CDHR2: variants seen among roughly 807,000 people sequenced by gnomAD.
CDHR2 encodes cadherin-related family member 2.
In CDHR2, 104 loss-of-function variants were observed where a neutral mutation model predicts 138.6. That is an observed-to-expected ratio of 0.75 (90% CI 0.64 to 0.88). The LOEUF is 0.88. CDHR2 is among the 40% of genes least tolerant of loss of function. The probability of loss-of-function intolerance (pLI) is 0.00; values close to 1 mark genes in which losing one functional copy is unlikely to be tolerated. For synonymous variants in CDHR2, 755 were observed against 742.8 expected (o/e 1.02, Z -0.27); for missense variants, 1,624 against 1,727.6 (o/e 0.94, Z 1.06).
At position 176,578,439 on chromosome 5, in the gene CDHR2, G is replaced by A; in HGVS notation, c.1649G>A (p.Ser550Asn). 6.2e-7 allele frequency: 1 copy of A among 1,613,926 alleles called. No individual in the cohort carries two copies. The highest frequency in any genetic ancestry group is 8.5e-7 in the Non-Finnish European group (1 of 1,179,868). Reference protein sequence around the residue: ...VRNGELLDRESQAVYYLTLQA... With the variant: ...VRNGELLDRENQAVYYLTLQA... Reference sequence around the variant, plus strand: ...AACGGTGAGCTGCTGGACCGGGAGAGCCAGGCCGTGTACTACCTGACGCTG... The same window carrying A: ...AACGGTGAGCTGCTGGACCGGGAGAACCAGGCCGTGTACTACCTGACGCTG... Residue 550 changes from serine to asparagine, a missense_variant, in exon 16 of 32, where the codon AGC becomes AAC. By Grantham distance (46) the Ser-to-Asn change is conservative. This residue lies in a region of CDHR2 where 1,061 missense variants were observed against 1,136.6 expected (regional missense o/e 0.93). Coordinates refer to ENST00000261944, the MANE Select transcript of CDHR2 (RefSeq NM_017675.6).
chr5:176,588,946 G>A, intron 21 of CDHR2, 85 bp from the exon 22 acceptor site: 1 of 1,455,072 alleles, frequency 6.9e-7, no homozygotes, highest in Non-Finnish European at 9.4e-7. Context: ...CAGCCTCCCA[G>A]GCCACCCTTG....
intron 12 of CDHR2, 70 bp from the exon 13 acceptor site, chr5:176,577,329 G>A: frequency 6.6e-7 from 1 of 1,509,030 alleles, no homozygotes. Context: ...ATAGAAGCCT[G>A]GGGACTGGGG....
At chr5:176,551,441 A>G (rs1757703865) in intron 1 of CDHR2, among the ~76,000 whole-genome samples, 2 of 152,190 alleles carry the variant, frequency 1.3e-5, no homozygotes, top group South Asian at 4.1e-4. Flanking sequence ...CTTGAGAACA[A>G]GGAAGCAGTA....
chr5:176,561,263 G>A (rs554824901), intron 1 of CDHR2, among the ~76,000 whole-genome samples: 3 of 152,224 alleles, frequency 2.0e-5, no homozygotes, highest in South Asian at 4.2e-4. Flanking sequence ...CCAAGGTTAT[G>A]CTGGATTTGG....
intron 7 of CDHR2, 76 bp downstream of exon 7, chr5:176,574,248 G>T (rs1758305839): frequency 1.8e-6 from 2 of 1,102,166 alleles, no homozygotes; most frequent in Non-Finnish European, 2.8e-6. Context: ...CACAGGGCCT[G>T]AACGTTGGGG....
intron 6 of CDHR2, among the ~76,000 whole-genome samples, chr5:176,572,353 A>G (rs1490278311): frequency 2.0e-5 from 3 of 151,694 alleles, no homozygotes; most frequent in Non-Finnish European, 4.4e-5. Context: ...GCACCATTGC[A>G]CTCCAGCCTG....
Position 176,584,692 on chromosome 5 carries a change from A to AT in CDHR2, c.2412dup (p.Pro805SerfsTer16), listed in dbSNP as rs754248855. On this transcript the variant is annotated frameshift_variant, in exon 19 of 32. Transcript: ENST00000261944. LOFTEE classifies it high-confidence loss of function. ...GTGAATGTGAAAGACGTGAACGACA[A>AT]TCCCCCCACCCTGGATGTAGCCTCA... The AT allele has an allele frequency of 3.3e-5, 54 of 1,613,686 alleles. No homozygotes were observed. Among genetic ancestry groups the AT allele is most frequent in the Non-Finnish European group, 4.3e-5 (51 of 1,179,764 alleles).
intron 12 of CDHR2, 98 bp from the exon 13 acceptor site, chr5:176,577,301 C>T (rs755409983): frequency 1.7e-4 from 227 of 1,326,300 alleles, no homozygotes; most frequent in Middle Eastern, 1.5e-3. Context: ...GGGACCTCAT[C>T]GGGCGGGGCA....
At chr5:176,580,148 A>ACACACACACTCT (rs1758493800) in intron 16 of CDHR2, among the ~76,000 whole-genome samples, 1 of 151,478 alleles carries the variant, frequency 6.6e-6, no homozygotes, top group South Asian at 2.1e-4. Context: ...ACACGCACTC[A>ACACACACACTCT]CACACACACT....
rs776816468 is a variant in CDHR2 at position 176,584,296 on chromosome 5, G to T, written c.2128+37G>T. The T allele has an allele frequency of 2.5e-6, 4 of 1,610,604 alleles. No homozygotes were observed. In the Admixed American group the frequency reaches 6.7e-5, roughly 27 times the overall value. On this transcript the variant is annotated intron_variant, in intron 18 of 31. Coordinates refer to ENST00000261944, the MANE Select transcript of CDHR2 (RefSeq NM_017675.6). Reference sequence around the variant, plus strand: ...CTGGGCCAGGAGAGACACTGCGGCTGGGACCCAGTGTGGCTTTGTCAGGGT... The same window carrying T: ...CTGGGCCAGGAGAGACACTGCGGCTTGGACCCAGTGTGGCTTTGTCAGGGT...
chr5:176,564,997 G>T (rs6892681), intron 1 of CDHR2, among the ~76,000 whole-genome samples: 51,485 of 152,088 alleles, frequency 0.34, 10,561 homozygotes, highest in Non-Finnish European at 0.45. Context: ...TTGACTCCCC[G>T]TGGCCTCAGG....
intron 17 of CDHR2, among the ~76,000 whole-genome samples, chr5:176,583,634 A>G (rs1486905318): frequency 6.6e-6 from 1 of 151,642 alleles, no homozygotes; most frequent in African/African-American, 2.4e-5. Flanking sequence ...GGTGAGAGCC[A>G]AAAACAGCTG....
chr5:176,581,283 G>C (rs1263300207), intron 16 of CDHR2, 60 bp from the exon 17 acceptor site: 42 of 1,597,932 alleles, frequency 2.6e-5, no homozygotes, highest in Non-Finnish European at 3.4e-5. Flanking sequence ...CGGCTGCATC[G>C]GAGGGGCTGG....
At position 176,577,574 on chromosome 5, in the gene CDHR2, G is replaced by A. The variant is rs1359752487; in HGVS notation, c.1350+20G>A. On this transcript the variant is annotated intron_variant, in intron 13 of 31. Transcript: ENST00000261944. Reference sequence around the variant, plus strand: ...GTGCAGGTGAGGGCTGCTCCGGGGTGCCAGGGGCAGAAGCCGAGGGGCACT... The same window carrying A: ...GTGCAGGTGAGGGCTGCTCCGGGGTACCAGGGGCAGAAGCCGAGGGGCACT... 1 of 1,613,740 alleles carries A rather than the reference G, an allele frequency of 6.2e-7. No homozygotes were observed. The highest frequency in any genetic ancestry group is 1.1e-5 in the South Asian group (1 of 91,060).
chr5:176,581,503 G>A lies in CDHR2; in HGVS notation c.1979G>A (p.Arg660His), dbSNP rs201340301. 1.9e-5 allele frequency: 30 copies of A among 1,614,092 alleles called. No homozygotes were observed. The East Asian group carries it at 3.3e-4, about 18-fold the overall frequency. The change falls in exon 17 of 32, where the codon CGC becomes CAC. Residue 660 changes from arginine to histidine, a missense_variant. Arg to His is a conservative substitution (Grantham distance 29). Transcript: ENST00000261944. ...GCCATCGACCCCGCCCTGGAGGGCC[G>A]CATTGTGCTGACAGTGCTTGTGTCT... is the stretch of plus-strand genomic sequence containing the variant. Reference protein sequence around the residue: ...REAIDPALEGRIVLTVLVSDC... With the variant: ...REAIDPALEGHIVLTVLVSDC...
At position 176,576,136 on chromosome 5, in the gene CDHR2, C is replaced by T. The variant is rs376237956; in HGVS notation, c.1145C>T (p.Pro382Leu). Residue 382 changes from proline (P) to leucine (L), a missense_variant, in exon 12 of 32, where the codon CCC (proline) becomes CTC (leucine). Around this residue, in one of 3 missense-constraint regions of CDHR2, gnomAD observed 1,061 missense variants for 1,136.6 expected, o/e 0.93. Coordinates refer to ENST00000261944, the MANE Select transcript of CDHR2 (RefSeq NM_017675.6). This position sits in a 1 kb window ranked among gnomAD's most constrained non-coding sequence, Gnocchi z 4.5. ...FTGYVDEHAS[P>L]RIPIDDLTMV... ...GGCTACGTGGACGAGCATGCCTCCCCCCGCATCCCCATCGATGACCTCACC... is the reference window on the plus strand; with the variant it reads ...GGCTACGTGGACGAGCATGCCTCCCTCCGCATCCCCATCGATGACCTCACC... The T allele has an allele frequency of 8.1e-5, 131 of 1,613,924 alleles. No individual in the cohort carries two copies. Among genetic ancestry groups the T allele is most frequent in the South Asian group, 3.4e-4 (31 of 91,086 alleles).
rs368248786 is a variant in CDHR2, at chr5:176,554,723, C to T, written c.-16+5309C>T. ...TCTCCCAGGCTGGAGTGCAGTGGCACGATCTCGGCTCACTGCAACCTCCAC... is the reference window on the plus strand; with the variant it reads ...TCTCCCAGGCTGGAGTGCAGTGGCATGATCTCGGCTCACTGCAACCTCCAC... On this transcript the variant is annotated intron_variant, in intron 1 of 31. Coordinates refer to ENST00000261944, the MANE Select transcript of CDHR2 (RefSeq NM_017675.6). 2.2e-4 allele frequency among the ~76,000 whole-genome samples: 33 copies of T among 152,284 alleles called. No homozygotes were observed. The South Asian group carries it at 5.4e-3, about 25-fold the overall frequency.
intron 21 of CDHR2, among the ~76,000 whole-genome samples, chr5:176,588,602 T>TGA (rs1217871918): frequency 6.7e-6 from 1 of 150,032 alleles, no homozygotes. Flanking sequence ...TATGAGTGTG[T>TGA]GTGCATATGT....
chr5:176,590,338 G>A lies in CDHR2; in HGVS notation c.3353+8G>A. ...CCTTGATGAGCTGAGTGTGTGAGTG[G>A]GGCTGCCCTTGGGGCAGGTGTGAGG... On this transcript the variant is annotated splice_region_variant and intron_variant, in intron 26 of 31. Coordinates refer to ENST00000261944, the MANE Select transcript of CDHR2 (RefSeq NM_017675.6). 1 of 1,614,176 alleles carries A rather than the reference G, an allele frequency of 6.2e-7. No homozygotes were observed. Among genetic ancestry groups the A allele is most frequent in the Non-Finnish European group, 8.5e-7 (1 of 1,180,018 alleles).
Sources: gnomAD v4.1 joint callset for allele counts (sites outside exome capture counted in the v4.1 genomes callset) on GRCh38, gnomAD v4.1.1 for gene constraint, gnomAD v4.1.1 regional missense constraint, Gnocchi (gnomAD v3.1) non-coding constraint, MANE v1.5 for transcripts, NCBI Gene and HGNC (gene_info 2026-07-23, HGNC 2026-07-21) for gene names.